The following SLC9A2 variants were observed in gnomAD, a reference collection of about 807,000 sequenced individuals.
The protein encoded by SLC9A2 is solute carrier family 9 member A2.
In SLC9A2, 42 loss-of-function variants were observed where a neutral mutation model predicts 71.7. The ratio of observed to expected loss-of-function variants is 0.59; its 90% CI spans 0.46 to 0.76. SLC9A2 has a LOEUF of 0.76. SLC9A2 is among the 30% of genes least tolerant of loss of function. The pLI is 0.00. For synonymous variants in SLC9A2, 396 were observed against 392.5 expected (o/e 1.01, Z -0.10); for missense variants, 829 against 1,017.4 (o/e 0.81, Z 2.52).
intron 3 of SLC9A2, among the ~76,000 whole-genome samples, chr2:102,673,361 A>G (rs1677290793): frequency 6.0e-5 from 9 of 150,378 alleles, no homozygotes. Context: ...TTAGCTAAAA[A>G]GATAGGATAT....
chr2:102,677,531 A>G (rs1215408462), intron 3 of SLC9A2, among the ~76,000 whole-genome samples: 1 of 152,200 alleles, frequency 6.6e-6, no homozygotes, highest in Non-Finnish European at 1.5e-5. Context: ...TGCATGCCTC[A>G]TCTCCACTCT....
At position 102,659,355 on chromosome 2, in the gene SLC9A2, C is replaced by T. The variant is rs372755938; in HGVS notation, c.753+1328C>T. On this transcript the variant is annotated intron_variant, in intron 2 of 11. Coordinates refer to ENST00000233969, the MANE Select transcript of SLC9A2 (RefSeq NM_003048.6). Reference sequence around the variant, plus strand: ...ACTTGGGAGGCTGAAGTGAGAGGATCGCTTGGGCCAGTGAGGCGGAGGTTG... The same window carrying T: ...ACTTGGGAGGCTGAAGTGAGAGGATTGCTTGGGCCAGTGAGGCGGAGGTTG... 4.0e-3 allele frequency among the ~76,000 whole-genome samples: 606 copies of T among 151,894 alleles called. 5 individuals carry two copies. The highest frequency in any genetic ancestry group is 0.014 in the African/African-American group (573 of 41,406).
At position 102,620,034 on chromosome 2, in the gene SLC9A2, G is replaced by T. The variant is rs1366390640; in HGVS notation, c.186G>T (p.Leu62=). Residue 62 remains leucine, a synonymous_variant, in exon 1 of 12, where the codon CTG becomes CTT. Coordinates refer to ENST00000233969, the MANE Select transcript of SLC9A2 (RefSeq NM_003048.6). ...PASVVAPGTT[L]FEESRLPVFT... ...GCGTGGTGGCTCCCGGAACGACGCT[G>T]TTCGAGGAGAGCCGGCTGCCTGTGT... 2.5e-6 allele frequency: 4 copies of T among 1,614,094 alleles called. No homozygotes were observed. The South Asian group carries it at 4.4e-5, about 18-fold the overall frequency.
At chr2:102,655,966 G>A (rs1676931631) in intron 1 of SLC9A2, among the ~76,000 whole-genome samples, 1 of 152,218 alleles carries the variant, frequency 6.6e-6, no homozygotes. Context: ...CACCAATGAG[G>A]AAGGAGCCCT....
chr2:102,663,781 C>T (rs146438024), intron 2 of SLC9A2, among the ~76,000 whole-genome samples: 2 of 152,252 alleles, frequency 1.3e-5, no homozygotes, highest in African/African-American at 4.8e-5. Context: ...TTGTAAATAT[C>T]ACAGTGAAAA....
At chr2:102,701,987 A>T (rs1010936290) in intron 8 of SLC9A2, among the ~76,000 whole-genome samples, 2 of 152,228 alleles carry the variant, frequency 1.3e-5, no homozygotes, top group Admixed American at 6.5e-5. Context: ...ATATACATAC[A>T]TGTTATAAAT....
rs143617112 is a variant in SLC9A2, at chr2:102,645,366, A to G, written c.290-12198A>G. ...AAAAAAACCAGTGCAGAAGGGCTGA[A>G]TATTCCAAAAACCAGAATGCCTCTT... On this transcript the variant is annotated intron_variant, in intron 1 of 11. Coordinates refer to ENST00000233969, the MANE Select transcript of SLC9A2 (RefSeq NM_003048.6). Among the ~76,000 whole-genome samples the G allele has an allele frequency of 6.4e-4, 98 of 152,302 alleles. 1 individual carries two copies. Among genetic ancestry groups the G allele is most frequent in the African/African-American group, 2.3e-3 (94 of 41,576 alleles).
At chr2:102,661,966 G>C (rs977494765) in intron 2 of SLC9A2, among the ~76,000 whole-genome samples, 2 of 152,128 alleles carry the variant, frequency 1.3e-5, no homozygotes, top group East Asian at 3.9e-4. Flanking sequence ...ATGTGGTTTC[G>C]GCCAGTTGTA....
chr2:102,694,501 C>T lies in SLC9A2; in HGVS notation c.1513C>T (p.Arg505Trp), dbSNP rs1205963743. Residue 505 changes from arginine to tryptophan, a missense_variant and splice_region_variant, in exon 6 of 12, where the codon CGG (arginine) becomes TGG (tryptophan). Physicochemically the swap from Arg to Trp is moderately radical, Grantham distance 101 (BLOSUM62 -3). This residue lies in a region of SLC9A2 where 500 missense variants were observed against 726.3 expected (regional missense o/e 0.69). Transcript: ENST00000233969. Reference protein sequence around the residue: ...QQAVSEEIYCRLFDHVKTGIE... With the variant: ...QQAVSEEIYCWLFDHVKTGIE... The stretch of plus-strand genomic sequence containing the variant: ...AGCTGTCAGTGAAGAAATCTATTGT[C>T]GGGTAGGTGTTAAGAGAGTGTAATA... The T allele has an allele frequency of 6.7e-7, 1 of 1,500,740 alleles. No homozygotes were observed. The highest frequency in any genetic ancestry group is 1.3e-5 in the South Asian group (1 of 76,528). 93.0% of individuals were successfully genotyped at this position (1,500,740 alleles called of 1,614,324 possible).
At chr2:102,626,710 TCAAA>T (rs10595227) in intron 1 of SLC9A2, among the ~76,000 whole-genome samples, 1,602 of 151,880 alleles carry the variant, frequency 0.011, 24 homozygotes, top group African/African-American at 0.036. Context: ...TACAAAGAAC[TCAAA>T]CAAATTTACA....
intron 1 of SLC9A2, among the ~76,000 whole-genome samples, chr2:102,642,050 T>TAAC (rs1676593369): frequency 1.3e-5 from 2 of 151,394 alleles, no homozygotes; most frequent in Non-Finnish European, 2.9e-5. Flanking sequence ...AATATAATAA[T>TAAC]AATAATAATA....
At position 102,632,025 on chromosome 2, in the gene SLC9A2, T is replaced by C. The variant is rs1303491953; in HGVS notation, c.289+11888T>C. ...ATATATATATATATATATATATATA[T>C]ATATATATATATACATACACACACA... On this transcript the variant is annotated intron_variant, in intron 1 of 11. Coordinates refer to ENST00000233969, the MANE Select transcript of SLC9A2 (RefSeq NM_003048.6). 2.4e-4 allele frequency among the ~76,000 whole-genome samples: 21 copies of C among 89,236 alleles called. 1 individual carries two copies. Among genetic ancestry groups the C allele is most frequent in the African/African-American group, 8.4e-4 (20 of 23,878 alleles). 58.5% of individuals were successfully genotyped at this position (89,236 alleles called of 152,430 possible).
Position 102,670,620 on chromosome 2 carries a change from A to C in SLC9A2, c.1004+5270A>C, listed in dbSNP as rs1377159274. 7.9e-5 allele frequency among the ~76,000 whole-genome samples: 11 copies of C among 138,816 alleles called. No homozygotes were observed. The East Asian group carries it at 2.4e-3, about 30-fold the overall frequency. The allele number at this position is 138,816 out of a possible 152,430, so 91.1% of individuals were successfully genotyped here. On this transcript the variant is annotated intron_variant, in intron 3 of 11. Coordinates refer to ENST00000233969, the MANE Select transcript of SLC9A2 (RefSeq NM_003048.6). Reference sequence around the variant, plus strand: ...CCACCAAAAAAAAAAAAAAAAAAAAAAACAACCCCAGCACATCCCGATGCA... The same window carrying C: ...CCACCAAAAAAAAAAAAAAAAAAAACAACAACCCCAGCACATCCCGATGCA...
intron 5 of SLC9A2, among the ~76,000 whole-genome samples, chr2:102,692,782 T>A (rs1677689250): frequency 6.6e-6 from 1 of 152,196 alleles, no homozygotes; most frequent in South Asian, 2.1e-4. Flanking sequence ...TCGATACATG[T>A]TAGTTGAGAG....
chr2:102,704,490 A>C, intron 9 of SLC9A2, 54 bp from the exon 10 acceptor site: 10 of 1,519,870 alleles, frequency 6.6e-6, no homozygotes, highest in Admixed American at 1.7e-5. Context: ...TCTGGGGGAA[A>C]TGATCAGGTT....
Position 102,708,411 on chromosome 2 carries a change from C to A in SLC9A2, c.2361C>A (p.Pro787=). The stretch of plus-strand genomic sequence containing the variant: ...ACAGTTTGACTGAAGGCATCCCGCC[C>A]AAGCCGCCACCACGGCTGGTCTGGA... ...REDSLTEGIP[P]KPPPRLVWRA... is the part of the protein sequence containing the mutation. Residue 787 remains proline, a synonymous_variant, in exon 12 of 12, where the codon CCC becomes CCA. Coordinates refer to ENST00000233969, the MANE Select transcript of SLC9A2 (RefSeq NM_003048.6). 6.2e-7 allele frequency: 1 copy of A among 1,614,218 alleles called. No individual in the cohort carries two copies. The highest frequency in any genetic ancestry group is 2.2e-5 in the East Asian group (1 of 44,876).
At chr2:102,674,181 G>A (rs559282417) in intron 3 of SLC9A2, among the ~76,000 whole-genome samples, 24 of 152,256 alleles carry the variant, frequency 1.6e-4, no homozygotes, top group Non-Finnish European at 2.6e-4. Flanking sequence ...GACACGCTTC[G>A]ACACATGGAT....
rs768978834 is a variant in SLC9A2 at position 102,702,374 on chromosome 2, A to C, written c.1749-32A>C. 4.1e-5 allele frequency: 47 copies of C among 1,145,206 alleles called. No homozygotes were observed. In the Admixed American group the frequency reaches 9.3e-4, roughly 23 times the overall value. The allele number at this position is 1,145,206 out of a possible 1,614,324, so 70.9% of individuals were successfully genotyped here. A position where few individuals can be genotyped will look rare whatever the true frequency, so the allele number is the denominator to read the frequency against. ...ATCAATGATTCTAATATTTGTTGAA[A>C]GGTAAAATATTCTTTTTCTAAACTT... On this transcript the variant is annotated intron_variant, in intron 8 of 11. Coordinates refer to ENST00000233969, the MANE Select transcript of SLC9A2 (RefSeq NM_003048.6).
chr2:102,672,272 T>C (rs1460848486), intron 3 of SLC9A2, among the ~76,000 whole-genome samples: 1 of 152,136 alleles, frequency 6.6e-6, no homozygotes, highest in Admixed American at 6.5e-5. Context: ...GCTCTGAAAA[T>C]TATCTTCAGT....
Sources: gnomAD v4.1 joint callset for allele counts (sites outside exome capture counted in the v4.1 genomes callset) on GRCh38, gnomAD v4.1.1 for gene constraint, gnomAD v4.1.1 regional missense constraint, MANE v1.5 for transcripts, NCBI Gene and HGNC (gene_info 2026-07-23, HGNC 2026-07-21) for gene names.